PCDHA3: variants seen among roughly 807,000 people sequenced by gnomAD.
PCDHA3 encodes the protein protocadherin alpha 3, also known as protocadherin alpha-3.
A neutral mutation model predicts 62.2 loss-of-function variants in PCDHA3; 41 were observed. The ratio of observed to expected loss-of-function variants is 0.66; its 90% confidence interval spans 0.51 to 0.86. The LOEUF (loss-of-function observed/expected upper bound fraction) is 0.86. Ranked by LOEUF, PCDHA3 falls within the 40% of genes least tolerant of loss-of-function variation. PCDHA3 has a pLI of 0.00. For missense variants in PCDHA3, 1,304 were observed against 1,241.2 expected, an observed-to-expected ratio of 1.05 and a Z score of -0.76; for synonymous variants, 640 against 555.4, an observed-to-expected ratio of 1.15 and a Z score of -2.14.
At chr5:140,963,198 A>G (rs2095745338) in intron 1 of PCDHA3, among the ~76,000 whole-genome samples, 1 of 151,784 alleles carries the variant, frequency 6.6e-6, no homozygotes, top group South Asian at 2.1e-4. Context: ...GTGAAAATGA[A>G]AAAAAAAACC....
chr5:140,829,181 C>A, intron 1 of PCDHA3: 1 of 1,614,148 alleles, frequency 6.2e-7, no homozygotes. Flanking sequence ...TGAAGACGCT[C>A]AATTTGGTAC....
At position 140,900,569 on chromosome 5, in the gene PCDHA3, A is replaced by AC. The variant is rs201845192; in HGVS notation, c.2395-78378dup. 8.0e-3 allele frequency among the ~76,000 whole-genome samples: 1,218 copies of AC among 152,298 alleles called. 6 individuals carry two copies. Among genetic ancestry groups the AC allele is most frequent in the African/African-American group, 0.019 (786 of 41,566 alleles). On this transcript the variant is annotated intron_variant, in intron 1 of 3. Coordinates refer to ENST00000522353, the MANE Select transcript of PCDHA3 (RefSeq NM_018906.3). The stretch of plus-strand genomic sequence containing the variant: ...TGGGATTACAGGCGTGAGCCACGGC[A>AC]CCGGCCCATTTTCTTTACCCGTTCA...
intron 1 of PCDHA3, among the ~76,000 whole-genome samples, chr5:140,837,515 A>AT (rs1775086466): frequency 2.1e-5 from 2 of 96,498 alleles, no homozygotes; most frequent in Admixed American, 9.8e-5. Flanking sequence ...GAAGCAGTTT[A>AT]CTTTTTTTGT....
intron 2 of PCDHA3, among the ~76,000 whole-genome samples, chr5:140,979,312 C>G (rs1419194517): frequency 1.3e-5 from 2 of 152,166 alleles, no homozygotes; most frequent in Admixed American, 6.5e-5. Flanking sequence ...CCCTCTCTAC[C>G]TATGCTTTCT....
chr5:140,938,124 A>G (rs2091929948), intron 1 of PCDHA3, among the ~76,000 whole-genome samples: 1 of 152,076 alleles, frequency 6.6e-6, no homozygotes, highest in South Asian at 2.1e-4. Flanking sequence ...TTTTTTTAAA[A>G]AAATAGAGAT....
intron 1 of PCDHA3, among the ~76,000 whole-genome samples, chr5:140,945,934 T>C (rs1161156525): frequency 2.0e-5 from 3 of 152,092 alleles, no homozygotes; most frequent in African/African-American, 4.8e-5. Context: ...TGAGCAATGA[T>C]GTTTTTTATA....
Position 140,876,798 on chromosome 5 carries a change from C to G in PCDHA3, c.2394+73207C>G, listed in dbSNP as rs199586239. 1.6e-4 allele frequency: 252 copies of G among 1,614,180 alleles called. 4 individuals are homozygous for G. The East Asian group carries it at 3.4e-3, about 22-fold the overall frequency. ...CGCTGTGGGCCACGGCTAGAGTGTC[C>G]GTGGAGGTGGCCGACGTGAACGACA... On this transcript the variant is annotated intron_variant, in intron 1 of 3. Coordinates refer to ENST00000522353, the MANE Select transcript of PCDHA3 (RefSeq NM_018906.3).
intron 1 of PCDHA3, chr5:140,816,144 A>G (rs1293807593): frequency 6.6e-6 from 1 of 152,180 alleles, no homozygotes; most frequent in Non-Finnish European, 1.5e-5. Flanking sequence ...TGAGTAGAGC[A>G]GCCTGCTCGA....
In PCDHA3 at chr5:140,843,187, C is replaced by T. The variant is rs2150354856; in HGVS notation, c.2394+39596C>T. ...CTGCAAGCAGCCCTCGCATCCCGTT[C>T]CGCGTGGGGCTGTACACGGGCGAGA... is the stretch of plus-strand genomic sequence containing the variant. On this transcript the variant is annotated intron_variant, in intron 1 of 3. Transcript: ENST00000522353. 32 of 1,595,934 alleles carry T rather than the reference C, an allele frequency of 2.0e-5. 2 individuals carry two copies. The East Asian group carries it at 2.0e-4, about 10-fold the overall frequency.
intron 1 of PCDHA3, among the ~76,000 whole-genome samples, chr5:140,891,033 G>C (rs2062910794): frequency 6.6e-6 from 1 of 151,596 alleles, no homozygotes; most frequent in South Asian, 2.1e-4. Context: ...TATAATCTTA[G>C]GTGTGACCCC....
Position 140,869,160 on chromosome 5 carries a change from C to T in PCDHA3, c.2394+65569C>T, listed in dbSNP as rs201759355. 10 of 1,613,886 alleles carry T rather than the reference C, an allele frequency of 6.2e-6. No homozygotes were observed. In the East Asian group the frequency reaches 2.0e-4, roughly 32 times the overall value. On this transcript the variant is annotated intron_variant, in intron 1 of 3. Transcript: ENST00000522353. ...CCCCACGACTACAGCTCTGGCTTCT[C>T]CTCCTCGAATTCTGGGAGGTGGGGA...
intron 1 of PCDHA3, among the ~76,000 whole-genome samples, chr5:140,913,644 A>T (rs889499847): frequency 3.9e-5 from 6 of 151,920 alleles, no homozygotes; most frequent in Non-Finnish European, 8.8e-5. Flanking sequence ...CTGCTTTTCT[A>T]GTTCTTTAAG....
intron 1 of PCDHA3, among the ~76,000 whole-genome samples, chr5:140,953,564 G>C (rs2094904127): frequency 6.6e-6 from 1 of 152,058 alleles, no homozygotes; most frequent in Non-Finnish European, 1.5e-5. Context: ...AAGTTTTAGT[G>C]CCCTCCTCTC....
intron 1 of PCDHA3, chr5:140,853,993 T>A (rs2042933293): frequency 8.2e-6 from 4 of 486,194 alleles, no homozygotes; most frequent in Admixed American, 6.7e-5. Context: ...GTGAGACTCA[T>A]CTCTGCCAAA....
chr5:140,869,750 A>T (rs1467855920), intron 1 of PCDHA3: 1 of 1,613,280 alleles, frequency 6.2e-7, no homozygotes, highest in Non-Finnish European at 8.5e-7. Context: ...ACAGCTACAG[A>T]CGGGGGAAAA....
At chr5:140,888,037 A>T (rs547880007) in intron 1 of PCDHA3, among the ~76,000 whole-genome samples, 8 of 152,186 alleles carry the variant, frequency 5.3e-5, no homozygotes, top group Non-Finnish European at 1.0e-4. Flanking sequence ...ATATTAGTAC[A>T]TGTATAATAG....
At chr5:140,966,741 G>A in intron 1 of PCDHA3, 1 of 1,421,320 alleles carries the variant, frequency 7.0e-7, no homozygotes, top group Non-Finnish European at 9.1e-7. Context: ...GGCCCTGCCC[G>A]GCTGCCTCCG....
intron 3 of PCDHA3, among the ~76,000 whole-genome samples, chr5:141,006,952 A>G (rs2098296225): frequency 1.3e-5 from 2 of 152,212 alleles, no homozygotes; most frequent in South Asian, 4.1e-4. Flanking sequence ...ATAGGCAGTT[A>G]TACATGAGAT....
At position 140,842,785 on chromosome 5, in the gene PCDHA3, G is replaced by A. The variant is rs2150344223; in HGVS notation, c.2394+39194G>A. 4 of 1,594,390 alleles carry A rather than the reference G, an allele frequency of 2.5e-6. 1 individual carries two copies. The highest frequency in any genetic ancestry group is 3.4e-5 in the Admixed American group (2 of 59,288). ...GAGACGCGGACGCGCAGGAGAACGCGCTGGTGTCCTACTCGCTTGTGGAGC... is the reference window on the plus strand; with the variant it reads ...GAGACGCGGACGCGCAGGAGAACGCACTGGTGTCCTACTCGCTTGTGGAGC... On this transcript the variant is annotated intron_variant, in intron 1 of 3. Transcript: ENST00000522353.
Sources: allele counts gnomAD v4.1 joint callset (sites outside exome capture counted in the v4.1 genomes callset), GRCh38; gene constraint gnomAD v4.1.1; transcripts MANE v1.5; gene names NCBI Gene and HGNC (gene_info 2026-07-23, HGNC 2026-07-21).